FRMD4A: variants seen among roughly 807,000 people sequenced by gnomAD.
FRMD4A encodes FERM domain-containing protein 4A.
In FRMD4A, 29 loss-of-function variants were observed where a neutral mutation model predicts 129.1. That is an observed-to-expected ratio of 0.22 (90% confidence interval 0.17 to 0.31). The LOEUF (loss-of-function observed/expected upper bound fraction) is 0.31, where lower values mean the gene tolerates loss of function less well. Ranked by LOEUF, FRMD4A falls within the 10% of genes least tolerant of loss-of-function variation. The pLI is 1.00. For synonymous variants in FRMD4A, 634 were observed against 571.6 expected (o/e 1.11, Z -1.56); for missense variants, 1,272 against 1,375.8 (o/e 0.92, Z 1.19).
intron 2 of FRMD4A, among the ~76,000 whole-genome samples, chr10:14,269,517 G>A (rs559154203): frequency 1.3e-5 from 2 of 152,130 alleles, no homozygotes; most frequent in African/African-American, 4.8e-5. Context: ...CCCTTCCTCT[G>A]CCTTCAGAGC....
At chr10:14,092,720 A>G (rs1171626149) in intron 2 of FRMD4A, among the ~76,000 whole-genome samples, 1 of 152,222 alleles carries the variant, frequency 6.6e-6, no homozygotes, top group Admixed American at 6.5e-5. Context: ...ATACTCAGCA[A>G]TTCACAGGCA....
chr10:13,970,989 T>A (rs2095514274), intron 2 of FRMD4A, among the ~76,000 whole-genome samples: 1 of 152,180 alleles, frequency 6.6e-6, no homozygotes, highest in Non-Finnish European at 1.5e-5. Context: ...AGGCTCAGTG[T>A]TGGTGCCTGA....
At chr10:13,755,472 A>C (rs973687532) in intron 8 of FRMD4A, among the ~76,000 whole-genome samples, 8 of 152,198 alleles carry the variant, frequency 5.3e-5, no homozygotes, top group Non-Finnish European at 4.4e-5. Flanking sequence ...AAATACTAAA[A>C]GGTCTTTACA....
chr10:14,083,040 G>A (rs190737844), intron 2 of FRMD4A: 1 of 152,316 alleles, frequency 6.6e-6, no homozygotes, highest in Admixed American at 6.5e-5. Flanking sequence ...TAAGGTGCAA[G>A]GTAAGATTTG....
In FRMD4A at chr10:13,646,509, TG is replaced by T. The variant is rs1254114125; in HGVS notation, c.*528del. On this transcript the variant is annotated 3_prime_UTR_variant, in exon 25 of 25. Coordinates refer to ENST00000357447, the MANE Select transcript of FRMD4A (RefSeq NM_018027.5). The stretch of plus-strand genomic sequence containing the variant: ...GCCTCCTCTTCATGAAGTGCTTGGT[TG>T]GCCTACGTATGGGTGGCAGGCTGGA... The T allele has an allele frequency of 1.3e-5, 2 of 152,282 alleles. No individual in the cohort carries two copies. The highest frequency in any genetic ancestry group is 2.9e-5 in the Non-Finnish European group (2 of 68,074). The allele number at this position is 152,282 out of a possible 1,614,324, so 9.4% of individuals were successfully genotyped here.
intron 2 of FRMD4A, among the ~76,000 whole-genome samples, chr10:14,316,220 T>C (rs893705624): frequency 6.6e-6 from 1 of 152,154 alleles, no homozygotes; most frequent in South Asian, 2.1e-4. Flanking sequence ...AAAACTCATG[T>C]TAACATTTAA....
chr10:14,226,803 T>C (rs1352158848), intron 2 of FRMD4A, among the ~76,000 whole-genome samples: 2 of 152,224 alleles, frequency 1.3e-5, no homozygotes, highest in African/African-American at 4.8e-5. Flanking sequence ...CACTGCCCTC[T>C]GTTGGCGTTC....
intron 8 of FRMD4A, among the ~76,000 whole-genome samples, chr10:13,752,679 G>T (rs763035757): frequency 2.6e-5 from 4 of 152,144 alleles, no homozygotes; most frequent in African/African-American, 4.8e-5. Context: ...GCTAGCATTG[G>T]CCTCACTCCT....
chr10:14,157,496 G>A (rs1472178953), intron 2 of FRMD4A, among the ~76,000 whole-genome samples: 1 of 152,168 alleles, frequency 6.6e-6, no homozygotes, highest in Admixed American at 6.5e-5. Context: ...TTGAGTCTTC[G>A]TTTTAGAATG....
At position 13,750,061 on chromosome 10, in the gene FRMD4A, G is replaced by GAAAGA. The variant is rs1564738686; in HGVS notation, c.465-2243_465-2242insTCTTT. Among the ~76,000 whole-genome samples the GAAAGA allele has an allele frequency of 9.5e-4, 43 of 45,256 alleles. No homozygotes were observed. In the South Asian group the frequency reaches 0.02, roughly 21 times the overall value. 29.7% of individuals were successfully genotyped at this position (45,256 alleles called of 152,430 possible). A position where few individuals can be genotyped will look rare whatever the true frequency, so the allele number is the denominator to read the frequency against. Reference sequence around the variant, plus strand: ...AGGGAAAGGAAAGGAAGGAAGGAAGGAAGGAAGGAAGAAAGAAAGAAAGAA... The same window carrying GAAAGA: ...AGGGAAAGGAAAGGAAGGAAGGAAGGAAAGAAAGGAAGGAAGAAAGAAAGAAAGAA... On this transcript the variant is annotated intron_variant, in intron 8 of 24. Transcript: ENST00000357447.
At chr10:14,112,778 G>A (rs541010786) in intron 2 of FRMD4A, among the ~76,000 whole-genome samples, 8 of 152,214 alleles carry the variant, frequency 5.3e-5, no homozygotes, top group African/African-American at 1.7e-4. Flanking sequence ...CGCCTTCCTC[G>A]GCCTCTCAAA....
intron 2 of FRMD4A, among the ~76,000 whole-genome samples, chr10:14,018,020 G>C (rs1204775049): frequency 6.6e-6 from 1 of 152,128 alleles, no homozygotes; most frequent in East Asian, 1.9e-4. Flanking sequence ...GATTCTAACT[G>C]CTCTTGCTTG....
chr10:13,887,402 CG>C (rs1467900296), intron 2 of FRMD4A, among the ~76,000 whole-genome samples: 1 of 152,114 alleles, frequency 6.6e-6, no homozygotes, highest in South Asian at 2.1e-4. Flanking sequence ...GAACTGAGGC[CG>C]GGGGCGGTGG....
At chr10:14,328,625 CATGT>C (rs1564468725) in intron 2 of FRMD4A, among the ~76,000 whole-genome samples, 7 of 88,318 alleles carry the variant, frequency 7.9e-5, no homozygotes, top group South Asian at 9.2e-4. Context: ...TATACATATG[CATGT>C]GTGTGTGTGT....
At chr10:14,304,070 C>T (rs963466213) in intron 2 of FRMD4A, among the ~76,000 whole-genome samples, 7 of 152,182 alleles carry the variant, frequency 4.6e-5, no homozygotes, top group Non-Finnish European at 8.8e-5. Context: ...GCCTTTTGGC[C>T]ACTATGAATA....
intron 8 of FRMD4A, among the ~76,000 whole-genome samples, chr10:13,749,092 C>G (rs978664681): frequency 6.6e-6 from 1 of 152,328 alleles, no homozygotes; most frequent in Admixed American, 6.5e-5. Flanking sequence ...CACTTACTAC[C>G]TCCAGAGCAA....
chr10:14,089,629 A>C (rs201148829), intron 2 of FRMD4A, among the ~76,000 whole-genome samples: 1,185 of 23,318 alleles, frequency 0.051, 78 homozygotes, highest in East Asian at 0.38. Flanking sequence ...AAAAAAAAAA[A>C]CAAAAAAAAA....
chr10:14,226,043 G>C (rs1455820922), intron 2 of FRMD4A, among the ~76,000 whole-genome samples: 2 of 152,096 alleles, frequency 1.3e-5, no homozygotes, highest in East Asian at 3.8e-4. Context: ...ATCTATTTGA[G>C]ATTTGAAGTA....
At chr10:13,793,863 T>C (rs921362503) in intron 5 of FRMD4A, among the ~76,000 whole-genome samples, 1 of 152,182 alleles carries the variant, frequency 6.6e-6, no homozygotes, top group Non-Finnish European at 1.5e-5. Context: ...AGAGACGGAA[T>C]TCACCTATAT....
Sources: allele counts gnomAD v4.1 joint callset (sites outside exome capture counted in the v4.1 genomes callset), GRCh38; gene constraint gnomAD v4.1.1; transcripts MANE v1.5; gene names NCBI Gene and HGNC (gene_info 2026-07-23, HGNC 2026-07-21).